Variants in GNB5 observed in about 807,000 individuals in gnomAD.
GNB5 encodes guanine nucleotide-binding protein subunit beta-5.
In GNB5, 37 loss-of-function variants were observed where a neutral mutation model predicts 55.3. The ratio of observed to expected loss-of-function variants is 0.67; its 90% confidence interval spans 0.51 to 0.88. The LOEUF (loss-of-function observed/expected upper bound fraction) is 0.88. GNB5 is among the 40% of genes least tolerant of loss of function. The probability of loss-of-function intolerance (pLI) is 0.00; values close to 1 mark genes in which losing one functional copy is unlikely to be tolerated. For missense variants in GNB5, 476 were observed against 515.3 expected (o/e 0.92, Z 0.74); for synonymous variants, 219 against 198.5 (o/e 1.10, Z -0.87).
intron 2 of GNB5, 103 bp from the exon 3 acceptor site, chr15:52,179,982 G>T: frequency 3.8e-6 from 5 of 1,318,060 alleles, no homozygotes; most frequent in Non-Finnish European, 4.8e-6. Context: ...GCACCGCCCC[G>T]CGGCCCCGCC....
intron 3 of GNB5, among the ~76,000 whole-genome samples, chr15:52,176,200 A>G (rs2034647298): frequency 6.6e-6 from 1 of 152,186 alleles, no homozygotes; most frequent in African/African-American, 2.4e-5. Flanking sequence ...CAGCCTCACC[A>G]GACCCTTCCC....
At position 52,115,346 on chromosome 15, in the gene GNB5, T is replaced by A. The variant is rs2033127334; in HGVS notation, c.*7411A>T. ...TGAGGCAGTTTGTAATAAGACTCGGTGAAAATCCTGTCTCTGCAACTTGGA... is the reference window on the plus strand; with the variant it reads ...TGAGGCAGTTTGTAATAAGACTCGGAGAAAATCCTGTCTCTGCAACTTGGA... On this transcript the variant is annotated 3_prime_UTR_variant, in exon 13 of 13. Coordinates refer to ENST00000261837, the MANE Select transcript of GNB5 (RefSeq NM_016194.4). The A allele has an allele frequency of 6.6e-6, 1 of 152,186 alleles. No homozygotes were observed. The highest frequency in any genetic ancestry group is 1.5e-5 in the Non-Finnish European group (1 of 68,036). The allele number at this position is 152,186 out of a possible 1,614,324, so 9.4% of individuals were successfully genotyped here.
At chr15:52,183,587 G>T (rs1284624487) in intron 2 of GNB5, among the ~76,000 whole-genome samples, 1 of 152,186 alleles carries the variant, frequency 6.6e-6, no homozygotes, top group Non-Finnish European at 1.5e-5. Flanking sequence ...GGGTTACAGT[G>T]GAATCAGGAG....
At chr15:52,159,145 C>G (rs372007174) in intron 3 of GNB5, among the ~76,000 whole-genome samples, 149 of 152,202 alleles carry the variant, frequency 9.8e-4, no homozygotes, top group African/African-American at 3.6e-3. Flanking sequence ...AATAAACAAC[C>G]TGATTGCAGA....
intron 3 of GNB5, among the ~76,000 whole-genome samples, chr15:52,173,557 T>A (rs1361569099): frequency 6.6e-6 from 1 of 152,174 alleles, no homozygotes; most frequent in Non-Finnish European, 1.5e-5. Flanking sequence ...AGATGGCCAG[T>A]GTGACTGGCG....
In GNB5 at chr15:52,147,172, T is replaced by G. The variant is rs867540187; in HGVS notation, c.494+287A>C. On this transcript the variant is annotated intron_variant, in intron 6 of 12. Transcript: ENST00000261837. ...AAGAGAGTTTTATGGTTTTGTTTTT[T>G]TTTTTTTTTTTTAAAGAGATGGGGT... The G allele has an allele frequency of 7.1e-3, 1,627 of 229,498 alleles. 11 individuals are homozygous for G. Among genetic ancestry groups the G allele is most frequent in the African/African-American group, 0.025 (1,084 of 42,612 alleles). 14.2% of individuals were successfully genotyped at this position (229,498 alleles called of 1,614,324 possible). A position where few individuals can be genotyped will look rare whatever the true frequency, so the allele number is the denominator to read the frequency against.
intron 3 of GNB5, among the ~76,000 whole-genome samples, chr15:52,175,533 G>A (rs895599867): frequency 6.6e-6 from 1 of 151,694 alleles, no homozygotes; most frequent in Admixed American, 6.6e-5. Context: ...GAGGTCAGGA[G>A]TTCAAGAACA....
chr15:52,130,549 T>C (rs192145959), intron 9 of GNB5, among the ~76,000 whole-genome samples: 69 of 152,402 alleles, frequency 4.5e-4, no homozygotes, highest in African/African-American at 1.6e-3. Context: ...TCTTCTTTTA[T>C]TTCTGCCATT....
rs1368064340 is a variant in GNB5 at position 52,121,223 on chromosome 15, C to G, written c.*1534G>C. The G allele has an allele frequency of 6.6e-6, 1 of 152,350 alleles. No homozygotes were observed. The highest frequency in any genetic ancestry group is 1.5e-5 in the Non-Finnish European group (1 of 68,156). 9.4% of individuals were successfully genotyped at this position (152,350 alleles called of 1,614,324 possible). On this transcript the variant is annotated 3_prime_UTR_variant, in exon 13 of 13. Transcript: ENST00000261837. ...AGCAGGGCCAGGAAAGGAGACCTGT[C>G]CAGGGGACAAGGTGCACGCAGCCTT...
intron 3 of GNB5, among the ~76,000 whole-genome samples, chr15:52,157,997 G>A (rs1304266968): frequency 6.6e-6 from 1 of 151,710 alleles, no homozygotes; most frequent in Non-Finnish European, 1.5e-5. Flanking sequence ...CCTTCTGGAG[G>A]ACCATTCCTC....
chr15:52,156,359 T>C (rs1361493426), intron 3 of GNB5, among the ~76,000 whole-genome samples: 1 of 152,224 alleles, frequency 6.6e-6, no homozygotes, highest in African/African-American at 2.4e-5. Context: ...TTCCTTTTAG[T>C]TGCCTCATTT....
intron 3 of GNB5, among the ~76,000 whole-genome samples, chr15:52,174,543 C>A (rs1305077811): frequency 6.6e-6 from 1 of 152,056 alleles, no homozygotes; most frequent in East Asian, 1.9e-4. Flanking sequence ...TTAATACTTC[C>A]TATATTTAAT....
chr15:52,131,672 CT>C (rs943926879), intron 9 of GNB5, among the ~76,000 whole-genome samples: 2 of 152,122 alleles, frequency 1.3e-5, no homozygotes, highest in Non-Finnish European at 2.9e-5. Flanking sequence ...ATAAGTGAGT[CT>C]TTTTTTCTTT....
At chr15:52,124,173 A>G (rs553946371) in intron 12 of GNB5, among the ~76,000 whole-genome samples, 4 of 152,360 alleles carry the variant, frequency 2.6e-5, no homozygotes, top group Admixed American at 2.0e-4. Context: ...TAGAATCACA[A>G]GAATCAGACT....
intron 4 of GNB5, among the ~76,000 whole-genome samples, chr15:52,153,611 C>A (rs896558250): frequency 3.3e-5 from 5 of 152,066 alleles, no homozygotes; most frequent in African/African-American, 1.2e-4. Flanking sequence ...GAAAGAAAGT[C>A]ATTGACAGAA....
chr15:52,140,243 C>A (rs2033820513), intron 7 of GNB5: 1 of 167,178 alleles, frequency 6.0e-6, no homozygotes, highest in Admixed American at 6.2e-5. Flanking sequence ...AACTCAGACA[C>A]TTTTCTCTTT....
At chr15:52,129,804 T>C (rs995575364) in intron 9 of GNB5, among the ~76,000 whole-genome samples, 1 of 152,188 alleles carries the variant, frequency 6.6e-6, no homozygotes, top group Non-Finnish European at 1.5e-5. Context: ...TGGAATTCAG[T>C]GGCTAGGCCA....
chr15:52,130,070 G>A (rs2033535845), intron 9 of GNB5, among the ~76,000 whole-genome samples: 1 of 152,202 alleles, frequency 6.6e-6, no homozygotes. Context: ...AAGAAGGCAT[G>A]GTGGTAGGCC....
intron 7 of GNB5, chr15:52,139,720 G>T: frequency 9.9e-7 from 1 of 1,012,644 alleles, no homozygotes; most frequent in Non-Finnish European, 1.3e-6. Flanking sequence ...GACCTACCCT[G>T]CCTCCCAGGC....
Sources: allele counts gnomAD v4.1 joint callset (sites outside exome capture counted in the v4.1 genomes callset), GRCh38; gene constraint gnomAD v4.1.1; transcripts MANE v1.5; gene names NCBI Gene and HGNC (gene_info 2026-07-23, HGNC 2026-07-21).